The following JAZF1 variants were observed in gnomAD, a reference collection of about 807,000 sequenced individuals.
JAZF1 encodes the protein juxtaposed with another zinc finger protein 1.
Under a neutral mutation model 26.4 loss-of-function variants are expected in JAZF1, and 8 were observed. The observed-to-expected ratio is 0.30, with a 90% CI of 0.18 to 0.55. JAZF1 has a LOEUF of 0.55. Among genes scored for constraint, JAZF1 ranks in the 20% least tolerant of loss-of-function variants. The pLI is 0.94. For missense variants in JAZF1, 199 were observed against 322.0 expected (o/e 0.62, Z 2.92); for synonymous variants, 126 against 122.3 (o/e 1.03, Z -0.20).
At chr7:28,053,975 T>G (rs17624621) in intron 1 of JAZF1, among the ~76,000 whole-genome samples, 21,827 of 152,220 alleles carry the variant, frequency 0.14, 1,990 homozygotes, top group Non-Finnish European at 0.2. Flanking sequence ...TTATGCTCCT[T>G]CCAGGATTAA....
At chr7:27,893,577 ACTC>A (rs1421698400) in intron 3 of JAZF1, among the ~76,000 whole-genome samples, 1 of 151,764 alleles carries the variant, frequency 6.6e-6, no homozygotes, top group Non-Finnish European at 1.5e-5. Flanking sequence ...TACTTAGTTG[ACTC>A]CTATTTATCT....
At chr7:27,944,574 T>A (rs148483559) in intron 2 of JAZF1, among the ~76,000 whole-genome samples, 135 of 152,282 alleles carry the variant, frequency 8.9e-4, no homozygotes, top group African/African-American at 3.0e-3. Flanking sequence ...TTAAAAAAAA[T>A]TTTATTTCAG....
intron 2 of JAZF1, among the ~76,000 whole-genome samples, chr7:27,902,195 G>A (rs371702229): frequency 1.8e-4 from 27 of 152,200 alleles, no homozygotes; most frequent in African/African-American, 6.0e-4. Flanking sequence ...ACCCTAATGG[G>A]GGTATTATGT....
At chr7:27,867,259 T>C (rs534720729) in intron 3 of JAZF1, among the ~76,000 whole-genome samples, 1 of 152,210 alleles carries the variant, frequency 6.6e-6, no homozygotes, top group African/African-American at 2.4e-5. Context: ...ATAATTAGGG[T>C]CTGCCAGCCA....
At chr7:28,172,988 A>G (rs1236011953) in intron 1 of JAZF1, among the ~76,000 whole-genome samples, 1 of 152,220 alleles carries the variant, frequency 6.6e-6, no homozygotes, top group Admixed American at 6.5e-5. Context: ...TCAGAATGAG[A>G]AAGAAAAACA....
At chr7:27,846,411 A>G in intron 3 of JAZF1, 1 of 460,774 alleles carries the variant, frequency 2.2e-6, no homozygotes, top group South Asian at 1.6e-5. Flanking sequence ...ATACATGTAT[A>G]TATATACATA....
chr7:27,849,791 G>A (rs562780232), intron 3 of JAZF1, among the ~76,000 whole-genome samples: 5 of 58,990 alleles, frequency 8.5e-5, no homozygotes, highest in African/African-American at 4.1e-4. Flanking sequence ...ACCTCTTCCC[G>A]GCCGCCCACC....
rs71555720 is a variant in JAZF1, at chr7:27,909,002, T to TATTCATTCATTCATTCATTC, written c.189-13606_189-13587dup. Among the ~76,000 whole-genome samples the TATTCATTCATTCATTCATTC allele has an allele frequency of 2.1e-3, 319 of 151,164 alleles. 2 individuals are homozygous for TATTCATTCATTCATTCATTC. Among genetic ancestry groups the TATTCATTCATTCATTCATTC allele is most frequent in the African/African-American group, 7.0e-3 (285 of 40,922 alleles). The stretch of plus-strand genomic sequence containing the variant: ...TTCAGGTAAGTACACACTTGAATAA[T>TATTCATTCATTCATTCATTC]ATTCATTCATTCATTCATTCATTCA... On this transcript the variant is annotated intron_variant, in intron 2 of 4. Transcript: ENST00000283928.
chr7:28,031,513 G>C (rs1194886572), intron 1 of JAZF1, among the ~76,000 whole-genome samples: 2 of 152,208 alleles, frequency 1.3e-5, no homozygotes, highest in African/African-American at 4.8e-5. Context: ...GATGCAGTGA[G>C]ACCTTATGCT....
chr7:28,082,255 G>C (rs1471621457), intron 1 of JAZF1, among the ~76,000 whole-genome samples: 1 of 152,100 alleles, frequency 6.6e-6, no homozygotes, highest in Non-Finnish European at 1.5e-5. Context: ...GGGGGCGTGG[G>C]GAGGCGAGGA....
chr7:28,096,892 T>C (rs1229552946), intron 1 of JAZF1, among the ~76,000 whole-genome samples: 1 of 152,152 alleles, frequency 6.6e-6, no homozygotes, highest in East Asian at 1.9e-4. Context: ...ACGTTCAGTA[T>C]TTTGAAACAG....
intron 1 of JAZF1, among the ~76,000 whole-genome samples, chr7:28,156,220 G>A (rs1334618085): frequency 1.3e-5 from 2 of 152,204 alleles, no homozygotes; most frequent in Non-Finnish European, 1.5e-5. Context: ...TCAAGCGTCT[G>A]TTTTCCTCAG....
chr7:28,005,126 G>A (rs1331458625), intron 1 of JAZF1, among the ~76,000 whole-genome samples: 1 of 152,102 alleles, frequency 6.6e-6, no homozygotes, highest in African/African-American at 2.4e-5. Context: ...TTCAGTAAGG[G>A]TGTTCTGACA....
chr7:27,956,075 G>A (rs574113365), intron 2 of JAZF1, among the ~76,000 whole-genome samples: 27 of 152,196 alleles, frequency 1.8e-4, no homozygotes, highest in Non-Finnish European at 3.2e-4. Context: ...GATTGGGTGG[G>A]ATGAGGTAGC....
At chr7:27,964,155 A>G (rs1177772308) in intron 2 of JAZF1, among the ~76,000 whole-genome samples, 1 of 152,184 alleles carries the variant, frequency 6.6e-6, no homozygotes, top group Non-Finnish European at 1.5e-5. Context: ...TGTTACAAAA[A>G]TTGGAAACTC....
intron 1 of JAZF1, among the ~76,000 whole-genome samples, chr7:28,021,661 A>C (rs1366436789): frequency 6.6e-6 from 1 of 152,278 alleles, no homozygotes; most frequent in Non-Finnish European, 1.5e-5. Flanking sequence ...GGCACTAGAC[A>C]CCAGGCAGGG....
chr7:28,041,416 CA>C (rs970608485), intron 1 of JAZF1, among the ~76,000 whole-genome samples: 1 of 152,100 alleles, frequency 6.6e-6, no homozygotes, highest in Non-Finnish European at 1.5e-5. Context: ...TAAAAGGTGA[CA>C]TTTTTTAAAA....
chr7:28,020,825 T>C, intron 1 of JAZF1: 1 of 389,324 alleles, frequency 2.6e-6, no homozygotes, highest in Middle Eastern at 4.3e-4. Context: ...ACTCACTGGT[T>C]GTTTTAAAAG....
At chr7:27,879,202 A>G (rs1562516520) in intron 3 of JAZF1, among the ~76,000 whole-genome samples, 1 of 152,182 alleles carries the variant, frequency 6.6e-6, no homozygotes, top group East Asian at 1.9e-4. Context: ...AATCTTTGAG[A>G]ATGTGATTTG....
Sources: allele counts gnomAD v4.1 joint callset (sites outside exome capture counted in the v4.1 genomes callset), GRCh38; gene constraint gnomAD v4.1.1; transcripts MANE v1.5; gene names NCBI Gene and HGNC (gene_info 2026-07-23, HGNC 2026-07-21).